Variants in NAV2 observed in about 807,000 individuals in gnomAD.
NAV2 encodes helicase, APC down-regulated 1.
A neutral mutation model predicts 223.2 loss-of-function variants in NAV2; 54 were observed. The observed-to-expected ratio is 0.24, with a 90% CI of 0.19 to 0.30. The LOEUF (loss-of-function observed/expected upper bound fraction) is 0.30, where lower values mean the gene tolerates loss of function less well. Ranked by LOEUF, NAV2 falls within the 10% of genes least tolerant of loss-of-function variation. The probability of loss-of-function intolerance (pLI) is 1.00; values close to 1 mark genes in which losing one functional copy is unlikely to be tolerated. For synonymous variants in NAV2, 1,279 were observed against 1,239.3 expected (o/e 1.03, Z -0.67); for missense variants, 2,806 against 3,147.5 (o/e 0.89, Z 2.60).
rs766372756 is a variant in NAV2 at position 20,045,331 on chromosome 11, T to G, written c.3563T>G (p.Leu1188Arg). The G allele has an allele frequency of 6.2e-7, 1 of 1,614,098 alleles. No homozygotes were observed. Among genetic ancestry groups the G allele is most frequent in the South Asian group, 1.1e-5 (1 of 91,064 alleles). ...CTAGCCCTAAGCTCCCGGACAAACC[T>G]TCAGTACCGGAGTTTGCCGAGGCCC... ...GYLALSSRTNLQYRSLPRPSK... is the reference protein window; with the variant it reads ...GYLALSSRTNRQYRSLPRPSK... Residue 1188 changes from leucine to arginine, a missense_variant, in exon 14 of 38, where the codon CTT (leucine) becomes CGT (arginine). By Grantham distance (102) the Leu-to-Arg change is moderately radical. This residue lies in a region of NAV2 where 742 missense variants were observed against 777.9 expected (regional missense o/e 0.95). Coordinates refer to ENST00000349880, the MANE Select transcript of NAV2 (RefSeq NM_145117.5).
chr11:19,757,302 G>A (rs1040957093), intron 1 of NAV2, among the ~76,000 whole-genome samples: 2 of 152,216 alleles, frequency 1.3e-5, no homozygotes, highest in South Asian at 2.1e-4. Flanking sequence ...GCCTCAACGC[G>A]TGTGTGGAGG....
chr11:19,666,371 G>A (rs556926772), intron 1 of NAV2, among the ~76,000 whole-genome samples: 19 of 152,280 alleles, frequency 1.2e-4, no homozygotes, highest in South Asian at 6.2e-4. Flanking sequence ...GAAACCAATC[G>A]TTCCTCCTGT....
In NAV2 at chr11:20,049,146, T is replaced by C. The variant is rs780750394; in HGVS notation, c.4321T>C (p.Leu1441=). The C allele has an allele frequency of 1.9e-6, 3 of 1,612,374 alleles. No individual in the cohort carries two copies. The Admixed American group carries it at 5.0e-5, about 27-fold the overall frequency. Residue 1441 remains leucine (L), a synonymous_variant, in exon 15 of 38, where the codon TTG becomes CTG. Transcript: ENST00000349880. ...CATCGCCTCCTCCAAGGACGACTCC[T>C]TGACTCCCTTTGTCAGAACTAACAG... The part of the protein sequence containing the change: ...GLIASSKDDS[L]TPFVRTNSVK...
At chr11:19,359,151 A>G (rs1168452751) in intron 1 of NAV2, among the ~76,000 whole-genome samples, 3 of 152,248 alleles carry the variant, frequency 2.0e-5, no homozygotes, top group Non-Finnish European at 4.4e-5. Context: ...TTTGTGGCAC[A>G]GAGCAGTAGT....
intron 1 of NAV2, among the ~76,000 whole-genome samples, chr11:19,412,239 G>A (rs1187937220): frequency 6.6e-6 from 1 of 152,200 alleles, no homozygotes; most frequent in African/African-American, 2.4e-5. Context: ...TTGGTGGGGG[G>A]AGGGGCATCT....
intron 1 of NAV2, among the ~76,000 whole-genome samples, chr11:19,743,662 C>T (rs1022143658): frequency 2.0e-5 from 3 of 152,258 alleles, no homozygotes; most frequent in African/African-American, 7.2e-5. Flanking sequence ...CTGGGCTTAG[C>T]CTAGAGCTAC....
intron 11 of NAV2, among the ~76,000 whole-genome samples, chr11:19,989,079 T>C (rs1396259598): frequency 6.6e-6 from 1 of 152,186 alleles, no homozygotes; most frequent in African/African-American, 2.4e-5. Flanking sequence ...CCCCTCACGC[T>C]TCATTCTAAG....
intron 1 of NAV2, among the ~76,000 whole-genome samples, chr11:19,572,194 G>A (rs943411999): frequency 2.6e-5 from 4 of 152,312 alleles, no homozygotes; most frequent in South Asian, 2.1e-4. Context: ...GCTGCCTTCC[G>A]GATGTCAGTT....
chr11:19,635,768 C>G (rs1004683415), intron 1 of NAV2, among the ~76,000 whole-genome samples: 9 of 152,164 alleles, frequency 5.9e-5, no homozygotes, highest in Non-Finnish European at 2.9e-5. Context: ...CTCTCGTGAC[C>G]CAAACACCTC....
chr11:19,621,734 G>T (rs1483631282), intron 1 of NAV2, among the ~76,000 whole-genome samples: 4 of 151,672 alleles, frequency 2.6e-5, no homozygotes, highest in African/African-American at 9.7e-5. Context: ...TTTTTGAAGT[G>T]TTTTTTTTGT....
At chr11:19,545,972 T>G (rs2044486957) in intron 1 of NAV2, among the ~76,000 whole-genome samples, 1 of 152,152 alleles carries the variant, frequency 6.6e-6, no homozygotes, top group Non-Finnish European at 1.5e-5. Flanking sequence ...GAGTCTATAA[T>G]CTAATCTAAA....
intron 3 of NAV2, among the ~76,000 whole-genome samples, chr11:19,857,227 C>T (rs886743224): frequency 6.6e-6 from 1 of 152,214 alleles, no homozygotes; most frequent in African/African-American, 2.4e-5. Flanking sequence ...TTATATTCTG[C>T]TACCTCTTGA....
In NAV2 at chr11:19,832,438, G is replaced by C. The variant is rs1471522739; in HGVS notation, c.268-46G>C. The C allele has an allele frequency of 2.0e-6, 3 of 1,479,242 alleles. No individual in the cohort carries two copies. The African/African-American group carries it at 4.2e-5, about 21-fold the overall frequency. The allele number at this position is 1,479,242 out of a possible 1,614,324, so 91.6% of individuals were successfully genotyped here. A position where few individuals can be genotyped will look rare whatever the true frequency, so the allele number is the denominator to read the frequency against. ...GAGCAGCTGCCTCAGACTCTGAGAG[G>C]GGATCCGACTGGCTTCCTAAAGTTG... is the stretch of plus-strand genomic sequence containing the variant. On this transcript the variant is annotated intron_variant, in intron 1 of 37. Transcript: ENST00000349880.
At chr11:19,778,459 C>A in intron 1 of NAV2, 2 of 427,090 alleles carry the variant, frequency 4.7e-6, no homozygotes, top group Non-Finnish European at 9.4e-6. Context: ...AACTGGAATG[C>A]ATACTTACTG....
chr11:19,939,161 G>T (rs1477715071), intron 7 of NAV2, among the ~76,000 whole-genome samples: 1 of 152,114 alleles, frequency 6.6e-6, no homozygotes, highest in Non-Finnish European at 1.5e-5. Flanking sequence ...AGACCTGGAG[G>T]GCAAACACAC....
intron 1 of NAV2, among the ~76,000 whole-genome samples, chr11:19,721,609 G>A (rs2050755574): frequency 6.6e-6 from 1 of 152,202 alleles, no homozygotes; most frequent in Admixed American, 6.5e-5. Context: ...GACTCTTCTA[G>A]AAAAGAGTAC....
chr11:19,566,779 C>T (rs1249953986), intron 1 of NAV2, among the ~76,000 whole-genome samples: 1 of 152,186 alleles, frequency 6.6e-6, no homozygotes, highest in Non-Finnish European at 1.5e-5. Context: ...TATGCTCTGT[C>T]CAGCATCCAG....
At chr11:19,621,122 T>C (rs1047054722) in intron 1 of NAV2, among the ~76,000 whole-genome samples, 10 of 152,210 alleles carry the variant, frequency 6.6e-5, no homozygotes, top group African/African-American at 2.2e-4. Context: ...CACTTGATCA[T>C]GATGGATAAG....
At chr11:19,841,460 TATG>T (rs1396091585) in intron 2 of NAV2, among the ~76,000 whole-genome samples, 1 of 152,188 alleles carries the variant, frequency 6.6e-6, no homozygotes, top group Non-Finnish European at 1.5e-5. Context: ...TTTATTAAAA[TATG>T]ATATGATTTT....
Sources: gnomAD v4.1 joint callset for allele counts (sites outside exome capture counted in the v4.1 genomes callset) on GRCh38, gnomAD v4.1.1 for gene constraint, gnomAD v4.1.1 regional missense constraint, MANE v1.5 for transcripts, NCBI Gene and HGNC (gene_info 2026-07-23, HGNC 2026-07-21) for gene names.